The following BAZ2A variants were observed in gnomAD, a reference collection of about 807,000 sequenced individuals.
BAZ2A encodes bromodomain adjacent to zinc finger domain protein 2A.
Under a neutral mutation model 199.9 loss-of-function variants are expected in BAZ2A, and 34 were observed. The observed-to-expected ratio is 0.17, with a 90% CI of 0.13 to 0.23. The LOEUF is 0.23. Among genes scored for constraint, BAZ2A ranks in the 10% least tolerant of loss-of-function variants. The pLI is 1.00. For synonymous variants in BAZ2A, 857 were observed against 883.9 expected, an observed-to-expected ratio of 0.97 and a Z score of 0.54; for missense variants, 2,002 against 2,391.1, an observed-to-expected ratio of 0.84 and a Z score of 3.39.
chr12:56,604,345 G>C (rs1028391944), intron 15 of BAZ2A, 54 bp from the exon 16 acceptor site: 13 of 1,527,038 alleles, frequency 8.5e-6, no homozygotes, highest in Non-Finnish European at 1.1e-5. Context: ...AGGGAAAGGA[G>C]GCTCAAGGGT....
upstream of BAZ2A, among the ~76,000 whole-genome samples, chr12:56,632,116 G>GA (rs200867472): frequency 5.2e-4 from 78 of 150,950 alleles, no homozygotes; most frequent in African/African-American, 1.6e-3. Context: ...TCACCTTGGG[G>GA]AAAAAAAAAT....
chr12:56,617,328 C>T, intron 2 of BAZ2A, 67 bp downstream of exon 2: 3 of 1,372,472 alleles, frequency 2.2e-6, no homozygotes, highest in Non-Finnish European at 2.9e-6. Flanking sequence ...CAAAATATCC[C>T]CCCATGAATC....
In BAZ2A at chr12:56,630,195, G is replaced by C. The variant is rs1951261522; in HGVS notation, c.-73C>G. On this transcript the variant is annotated 5_prime_UTR_variant, in exon 1 of 29. Coordinates refer to ENST00000549884, the MANE Select transcript of BAZ2A (RefSeq NM_001300905.2). ...GGGTACAAGCGGTTCACATGGCCGCGCTCCGGGCGCCAGAACGGGTGGAGA... is the reference window on the plus strand; with the variant it reads ...GGGTACAAGCGGTTCACATGGCCGCCCTCCGGGCGCCAGAACGGGTGGAGA... The C allele has an allele frequency of 2.0e-6, 2 of 985,472 alleles. No individual in the cohort carries two copies. The highest frequency in any genetic ancestry group is 4.7e-5 in the South Asian group (1 of 21,302). 61.0% of individuals were successfully genotyped at this position (985,472 alleles called of 1,614,324 possible). A position where few individuals can be genotyped will look rare whatever the true frequency, so the allele number is the denominator to read the frequency against.
chr12:56,622,512 C>T (rs568995630), intron 1 of BAZ2A, among the ~76,000 whole-genome samples: 1 of 152,062 alleles, frequency 6.6e-6, no homozygotes. Flanking sequence ...AACATGTGAA[C>T]ACCTCCTCTC....
rs1054246164 is a variant in BAZ2A at position 56,602,705 on chromosome 12, A to G, written c.3424+8T>C. ...ACTCAGAATCCACACTCCCACAGGC[A>G]CACCTACCTAAGTTCCCCTCTGTTC... On this transcript the variant is annotated splice_region_variant and intron_variant, in intron 19 of 28. Transcript: ENST00000549884. 1 of 1,611,982 alleles carries G rather than the reference A, an allele frequency of 6.2e-7. No homozygotes were observed. Among genetic ancestry groups the G allele is most frequent in the Non-Finnish European group, 8.5e-7 (1 of 1,178,144 alleles).
chr12:56,614,391 T>C, intron 3 of BAZ2A: 1 of 413,688 alleles, frequency 2.4e-6, no homozygotes, highest in Non-Finnish European at 4.4e-6. Flanking sequence ...TTCTCAGATA[T>C]CTCCTCCATC....
In BAZ2A at chr12:56,609,641, T is replaced by TTACAC. The variant is rs995974946; in HGVS notation, c.2092+90_2092+94dup. On this transcript the variant is annotated intron_variant, in intron 10 of 28. Transcript: ENST00000549884. The stretch of plus-strand genomic sequence containing the variant: ...ATTCATTCTTCCCAGATAATGTTAG[T>TTACAC]TACACTCCTGGGAAATCCAGGTATT... 3.9e-6 allele frequency: 5 copies of TTACAC among 1,291,682 alleles called. No homozygotes were observed. The African/African-American group carries it at 7.4e-5, about 19-fold the overall frequency. The allele number at this position is 1,291,682 out of a possible 1,614,324, so 80.0% of individuals were successfully genotyped here.
rs1046293416 is a variant in BAZ2A, at chr12:56,619,345, C to CA, written c.-2-1814dup. Among the ~76,000 whole-genome samples, 743 of 116,252 alleles carry CA rather than the reference C, an allele frequency of 6.4e-3. 6 individuals are homozygous for CA. Among genetic ancestry groups the CA allele is most frequent in the Middle Eastern group, 0.031 (6 of 192 alleles). 76.3% of individuals were successfully genotyped at this position (116,252 alleles called of 152,430 possible). On this transcript the variant is annotated intron_variant, in intron 1 of 28. Transcript: ENST00000549884. ...GGGGGACAAGAGCGAGACTTCATCTCAAAAAAAAAAAAAGGAGCAGGGTGT... is the reference window on the plus strand; with the variant it reads ...GGGGGACAAGAGCGAGACTTCATCTCAAAAAAAAAAAAAAGGAGCAGGGTGT...
intron 1 of BAZ2A, among the ~76,000 whole-genome samples, chr12:56,619,250 CAGG>C (rs1229635941): frequency 1.3e-5 from 2 of 151,350 alleles, no homozygotes; most frequent in African/African-American, 4.9e-5. Flanking sequence ...GAGGCTGAGG[CAGG>C]AGAATTGCTT....
upstream of BAZ2A, chr12:56,635,029 C>A: frequency 3.0e-6 from 3 of 984,448 alleles, no homozygotes; most frequent in South Asian, 4.7e-5. The surrounding 1 kb of genome is among the most constrained non-coding windows in gnomAD (Gnocchi z 4.1). Context: ...CCTCCTCCCC[C>A]AGCCCTGGGC....
intron 4 of BAZ2A, 51 bp from the exon 5 acceptor site, chr12:56,613,284 A>G (rs1950618450): frequency 1.3e-6 from 2 of 1,563,048 alleles, no homozygotes; most frequent in Non-Finnish European, 1.8e-6. Context: ...AAAAAATCAG[A>G]AAGCAAGATT....
chr12:56,605,819 C>T lies in BAZ2A; in HGVS notation c.2493+11G>A. 1 of 1,603,770 alleles carries T rather than the reference C, an allele frequency of 6.2e-7. No homozygotes were observed. The highest frequency in any genetic ancestry group is 8.5e-7 in the Non-Finnish European group (1 of 1,174,906). ...CAGCTGACCCAGGAACTGTTACTCT[C>T]TCCTCACTACCTGGTGGTCAGTCAG... On this transcript the variant is annotated intron_variant, in intron 13 of 28. Coordinates refer to ENST00000549884, the MANE Select transcript of BAZ2A (RefSeq NM_001300905.2).
intron 14 of BAZ2A, 58 bp downstream of exon 14, chr12:56,605,015 C>CT: frequency 6.6e-7 from 1 of 1,517,010 alleles, no homozygotes; most frequent in Non-Finnish European, 8.8e-7. Flanking sequence ...AAGAGAAACA[C>CT]TAAGTAGTTA....
intron 14 of BAZ2A, 28 bp from the exon 15 acceptor site, chr12:56,604,827 G>C: frequency 6.2e-7 from 1 of 1,603,372 alleles, no homozygotes; most frequent in Non-Finnish European, 8.5e-7. Context: ...TAATGGGGGT[G>C]AGTAGGGAAA....
chr12:56,625,882 AAAAAAAAAAAAAAAAC>A (rs958022117), intron 1 of BAZ2A, among the ~76,000 whole-genome samples: 11 of 151,400 alleles, frequency 7.3e-5, no homozygotes, highest in African/African-American at 2.4e-4. Flanking sequence ...TCTCAAAAAA[AAAAAAAAAAAAAAAAC>A]AACAACAAAA....
chr12:56,599,738 T>G lies in BAZ2A; in HGVS notation c.5136A>C (p.Pro1712=), dbSNP rs754341511. The change falls in exon 26 of 29, where the codon CCA becomes CCC. Residue 1712 remains proline (P), a synonymous_variant. Coordinates refer to ENST00000549884, the MANE Select transcript of BAZ2A (RefSeq NM_001300905.2). ...AGACAGTACAGAACCAATCTCCTTC[T>G]GGGACAGCCTCCATCTTGGGACGAT... ...YCHRPKMEAV[P]EGDWFCTVCL... is the part of the protein sequence containing the mutation. 6.2e-7 allele frequency: 1 copy of G among 1,613,990 alleles called. No individual in the cohort carries two copies. Among genetic ancestry groups the G allele is most frequent in the Non-Finnish European group, 8.5e-7 (1 of 1,179,906 alleles).
rs375310491 is a variant in BAZ2A at position 56,599,211 on chromosome 12, G to A, written c.5320C>T (p.Arg1774Trp). Residue 1774 changes from arginine to tryptophan, a missense_variant, in exon 27 of 29, where the codon CGG becomes TGG. This residue lies in a region of BAZ2A where 122 missense variants were observed against 123.0 expected (regional missense o/e 0.99). Transcript: ENST00000549884. ...RGRESPAAGP[R>W]YSEEGLSPSK... is the part of the protein sequence containing the mutation. ...GGGGAGAGCCCTTCTTCCGAGTACC[G>A]AGGCCCTGCTGCTGGGCTTTCTCGG... 4.8e-5 allele frequency: 77 copies of A among 1,613,266 alleles called. No individual in the cohort carries two copies. The highest frequency in any genetic ancestry group is 1.9e-4 in the African/African-American group (14 of 75,006).
In BAZ2A at chr12:56,602,866, A is replaced by G. The variant is rs773695882; in HGVS notation, c.3280-9T>C. The G allele has an allele frequency of 1.9e-6, 3 of 1,605,374 alleles. No homozygotes were observed. Among genetic ancestry groups the G allele is most frequent in the Non-Finnish European group, 2.6e-6 (3 of 1,174,574 alleles). On this transcript the variant is annotated splice_polypyrimidine_tract_variant and intron_variant, in intron 18 of 28. Transcript: ENST00000549884. ...CGAAAGAAAAGCTGACGCTGGGTAG[A>G]CAATGAAAATGAAGATGAATAAACA...
In BAZ2A at chr12:56,600,206, T is replaced by C. The variant is rs754906365; in HGVS notation, c.4887A>G (p.Thr1629=). 6 of 1,613,770 alleles carry C rather than the reference T, an allele frequency of 3.7e-6. No individual in the cohort carries two copies. Among genetic ancestry groups the C allele is most frequent in the Non-Finnish European group, 5.1e-6 (6 of 1,179,812 alleles). The part of the protein sequence containing the change: ...TPNGAPEGTT[T]EISYEITPRI... ...GGAGGGTGGGAGTCACTCACATCTC[T>C]GTAGTGGTGCCCTCAGGGGCACCAT... The change falls in exon 24 of 29, where the codon ACA becomes ACG. Residue 1629 remains threonine, a synonymous_variant. Transcript: ENST00000549884.
Sources: gnomAD v4.1 joint callset for allele counts (sites outside exome capture counted in the v4.1 genomes callset) on GRCh38, gnomAD v4.1.1 for gene constraint, gnomAD v4.1.1 regional missense constraint, Gnocchi (gnomAD v3.1) non-coding constraint, MANE v1.5 for transcripts, NCBI Gene and HGNC (gene_info 2026-07-23, HGNC 2026-07-21) for gene names.